Variants in NUP188 observed in about 807,000 individuals in gnomAD.
The protein encoded by NUP188 is nucleoporin 188.
A neutral mutation model predicts 223.0 loss-of-function variants in NUP188; 97 were observed. The observed-to-expected ratio is 0.43, with a 90% CI of 0.37 to 0.51. NUP188 has a LOEUF of 0.51. Ranked by LOEUF, NUP188 falls within the 20% of genes least tolerant of loss-of-function variation. The pLI is 0.00. For missense variants in NUP188, 1,947 were observed against 2,175.6 expected (o/e 0.89, Z 2.09); for synonymous variants, 869 against 828.0 (o/e 1.05, Z -0.85).
At chr9:128,989,252 G>T (rs1344777072) in intron 24 of NUP188, among the ~76,000 whole-genome samples, 3 of 152,086 alleles carry the variant, frequency 2.0e-5, no homozygotes, top group South Asian at 4.1e-4. Context: ...ACAAAAAAAA[G>T]TAGCTGGGCC....
chr9:128,955,574 C>T (rs922949024), intron 3 of NUP188, among the ~76,000 whole-genome samples: 1 of 152,122 alleles, frequency 6.6e-6, no homozygotes, highest in African/African-American at 2.4e-5. Flanking sequence ...TCAGCTTTGG[C>T]TATTGGGCAT....
At chr9:128,970,736 A>G in intron 10 of NUP188, 22 bp from the exon 11 acceptor site, 1 of 1,599,790 alleles carries the variant, frequency 6.3e-7, no homozygotes, top group Non-Finnish European at 8.6e-7. Flanking sequence ...GGAGATGTAG[A>G]TGTGTTTTCT....
At chr9:129,005,919 C>G (rs1842787052) in intron 41 of NUP188, 131 bp from the exon 42 acceptor site, 1 of 1,403,868 alleles carries the variant, frequency 7.1e-7, no homozygotes, top group African/African-American at 1.4e-5. Flanking sequence ...GACAGCACCT[C>G]TGAGAATTAC....
At chr9:128,957,063 GC>G (rs771524762) in intron 5 of NUP188, 31 bp downstream of exon 5, 2 of 1,453,222 alleles carry the variant, frequency 1.4e-6, no homozygotes, top group African/African-American at 1.4e-5. Flanking sequence ...CCTTTCTTCT[GC>G]CTTTATCCTT....
chr9:129,006,418 T>G (rs1842806508), intron 43 of NUP188, 50 bp downstream of exon 43: 1 of 1,613,274 alleles, frequency 6.2e-7, no homozygotes, highest in East Asian at 2.2e-5. Flanking sequence ...GCCAGAGCCC[T>G]GTGGGGTCCT....
chr9:128,977,553 T>C (rs1312823116), intron 12 of NUP188, among the ~76,000 whole-genome samples: 1 of 152,148 alleles, frequency 6.6e-6, no homozygotes, highest in African/African-American at 2.4e-5. Context: ...CTCATGTCTG[T>C]AATCCCAGCA....
intron 12 of NUP188, among the ~76,000 whole-genome samples, chr9:128,974,287 C>T (rs1024128769): frequency 2.0e-5 from 3 of 151,764 alleles, no homozygotes; most frequent in African/African-American, 7.3e-5. Flanking sequence ...CTCACCTCGG[C>T]TTCCCAAATA....
chr9:129,005,587 A>AC, intron 40 of NUP188, 57 bp downstream of exon 40: 1 of 1,611,030 alleles, frequency 6.2e-7, no homozygotes, highest in Non-Finnish European at 8.5e-7. Flanking sequence ...TCTGCTGTGT[A>AC]CCGAGAGCTA....
intron 27 of NUP188, 106 bp from the exon 28 acceptor site, chr9:128,994,267 T>C (rs1328378286): frequency 5.2e-6 from 4 of 773,794 alleles, no homozygotes; most frequent in African/African-American, 1.7e-5. Context: ...CATATTAGGA[T>C]TGAGACTGGT....
intron 3 of NUP188, among the ~76,000 whole-genome samples, chr9:128,953,648 T>G (rs908817625): frequency 1.3e-5 from 2 of 152,186 alleles, no homozygotes; most frequent in African/African-American, 4.8e-5. Context: ...TGACTATGTA[T>G]CTAAAATACA....
At position 129,006,735 on chromosome 9, in the gene NUP188, G is replaced by A. The variant is rs1842818762; in HGVS notation, c.*57G>A. ...CACCAGCCTACACTGCACCCTGGCTGGCAGGGGTGCTGCTGGCTGCTAGGG... is the reference window on the plus strand; with the variant it reads ...CACCAGCCTACACTGCACCCTGGCTAGCAGGGGTGCTGCTGGCTGCTAGGG... On this transcript the variant is annotated 3_prime_UTR_variant, in exon 44 of 44. Transcript: ENST00000372577. The A allele has an allele frequency of 6.5e-6, 10 of 1,536,120 alleles. No homozygotes were observed. The highest frequency in any genetic ancestry group is 1.4e-5 in the African/African-American group (1 of 72,616).
rs756681925 is a variant in NUP188 at position 128,999,634 on chromosome 9, C to T, written c.3672C>T (p.Ile1224=). The T allele has an allele frequency of 3.7e-6, 6 of 1,613,958 alleles. No individual in the cohort carries two copies. The highest frequency in any genetic ancestry group is 4.2e-6 in the Non-Finnish European group (5 of 1,179,922). Reference sequence around the variant, plus strand: ...CTGTCTATTCTACAGTAAGTGACATCCCCCAGTACTCCCAGCTGGTGCTGA... The same window carrying T: ...CTGTCTATTCTACAGTAAGTGACATTCCCCAGTACTCCCAGCTGGTGCTGA... ...LQMKEMKVSD[I]PQYSQLVLNV... is the part of the protein sequence containing the mutation. The change falls in exon 34 of 44, where the codon ATC becomes ATT. Residue 1224 remains isoleucine, a synonymous_variant. Coordinates refer to ENST00000372577, the MANE Select transcript of NUP188 (RefSeq NM_015354.3).
chr9:128,975,226 C>CTTTTTTTTTTTTTTTTTTT (rs540828761), intron 12 of NUP188, among the ~76,000 whole-genome samples: 2 of 131,870 alleles, frequency 1.5e-5, no homozygotes, highest in African/African-American at 6.0e-5. Context: ...TTTTCTTTTC[C>CTTTTTTTTTTTTTTTTTTT]TTTTTTTTTT....
chr9:128,983,619 A>C, intron 19 of NUP188, 69 bp downstream of exon 19: 1 of 1,018,964 alleles, frequency 9.8e-7, no homozygotes, highest in Non-Finnish European at 1.5e-6. Flanking sequence ...GATCTAGCCT[A>C]GGTTTATTAA....
At chr9:129,000,623 C>T (rs1453439012) in intron 34 of NUP188, among the ~76,000 whole-genome samples, 1 of 152,016 alleles carries the variant, frequency 6.6e-6, no homozygotes, top group African/African-American at 2.4e-5. Context: ...TGGCCACAAC[C>T]AGCATTTTTT....
At chr9:128,956,769 A>G (rs1055883358) in intron 4 of NUP188, among the ~76,000 whole-genome samples, 183 bp from the exon 5 acceptor site, 2 of 152,196 alleles carry the variant, frequency 1.3e-5, no homozygotes, top group African/African-American at 4.8e-5. Flanking sequence ...TGTAATAAAA[A>G]TTGTATGTCA....
At chr9:128,999,860 G>A in intron 34 of NUP188, 55 bp downstream of exon 34, 1 of 1,538,468 alleles carries the variant, frequency 6.5e-7, no homozygotes, top group Middle Eastern at 1.8e-4. Context: ...CCAGCTCTGT[G>A]CCTGACTCTG....
chr9:128,988,129 C>T lies in NUP188; in HGVS notation c.2476C>T (p.Arg826Trp), dbSNP rs776454672. ...LAFSVTNNVI[R>W]LKPPSNVVSP... ...ATTCTCCGTCACCAACAATGTTATTCGGCTGAAACCTCCTTCTAATGTGGT... is the reference window on the plus strand; with the variant it reads ...ATTCTCCGTCACCAACAATGTTATTTGGCTGAAACCTCCTTCTAATGTGGT... Residue 826 changes from arginine to tryptophan, a missense_variant, in exon 24 of 44, where the codon CGG becomes TGG. By Grantham distance (101) the Arg-to-Trp change is moderately radical (BLOSUM62 -3). Coordinates refer to ENST00000372577, the MANE Select transcript of NUP188 (RefSeq NM_015354.3). The T allele has an allele frequency of 4.3e-6, 7 of 1,614,186 alleles. No individual in the cohort carries two copies. The highest frequency in any genetic ancestry group is 1.1e-5 in the South Asian group (1 of 91,090).
rs1482001841 is a variant in NUP188 at position 128,990,234 on chromosome 9, C to T, written c.2640+8C>T. 57 of 1,599,368 alleles carry T rather than the reference C, an allele frequency of 3.6e-5. No individual in the cohort carries two copies. Among genetic ancestry groups the T allele is most frequent in the Non-Finnish European group, 4.5e-5 (53 of 1,166,652 alleles). On this transcript the variant is annotated splice_region_variant and intron_variant, in intron 25 of 43. Transcript: ENST00000372577. ...CTGAAACGTCTGGCCACGGTAGGAT[C>T]GTACTTCATGCACACACACTGTTTA...
Sources: allele counts gnomAD v4.1 joint callset (sites outside exome capture counted in the v4.1 genomes callset), GRCh38; gene constraint gnomAD v4.1.1; transcripts MANE v1.5; gene names NCBI Gene and HGNC (gene_info 2026-07-23, HGNC 2026-07-21).